The following NCKAP5L variants were observed in gnomAD, a reference collection of about 807,000 sequenced individuals.
The protein encoded by NCKAP5L is nck-associated protein 5-like.
NCKAP5L carries 54 observed loss-of-function variants against 103.2 expected under a neutral mutation model. The observed-to-expected ratio is 0.52, with a 90% CI of 0.42 to 0.66. NCKAP5L has a LOEUF of 0.66. NCKAP5L is among the 30% of genes least tolerant of loss of function. The pLI is 0.00. For missense variants in NCKAP5L, 1,733 were observed against 1,750.6 expected (o/e 0.99, Z 0.18); for synonymous variants, 762 against 748.6 (o/e 1.02, Z -0.29).
At position 49,792,689 on chromosome 12, in the gene NCKAP5L, G is replaced by A. The variant is rs368575890; in HGVS notation, c.3638C>T (p.Thr1213Ile). 9 of 1,612,496 alleles carry A rather than the reference G, an allele frequency of 5.6e-6. No individual in the cohort carries two copies. The highest frequency in any genetic ancestry group is 7.6e-6 in the Non-Finnish European group (9 of 1,179,506). ...PAAPGHRGHE[T>I]CPDDPCEDPG... ...ACCTGGACACTCACCATCAGGACAG[G>A]TCTCATGGCCCCGGTGGCCCGGAGC... The change falls in exon 11 of 13, where the codon ACC becomes ATC. Residue 1213 changes from threonine (T) to isoleucine (I), a missense_variant. Coordinates refer to ENST00000335999, the MANE Select transcript of NCKAP5L (RefSeq NM_001037806.4). The surrounding 1 kb of genome is among the most constrained non-coding windows in gnomAD (Gnocchi z 4.5).
At chr12:49,802,062 G>A in intron 5 of NCKAP5L, 95 bp from the exon 6 acceptor site, 1 of 1,488,322 alleles carries the variant, frequency 6.7e-7, no homozygotes, top group Non-Finnish European at 9.1e-7. Flanking sequence ...CTGTCTGGAG[G>A]CCCCAGGACC....
At chr12:49,800,343 C>T (rs969282855) in intron 6 of NCKAP5L, among the ~76,000 whole-genome samples, 9 of 152,252 alleles carry the variant, frequency 5.9e-5, no homozygotes, top group African/African-American at 2.2e-4. Flanking sequence ...CCTGAGCTCC[C>T]AACAGTCCCA....
chr12:49,803,762 CT>C (rs908508114), intron 3 of NCKAP5L, among the ~76,000 whole-genome samples, 159 bp downstream of exon 3: 35 of 152,340 alleles, frequency 2.3e-4, no homozygotes, highest in African/African-American at 7.7e-4. Flanking sequence ...CTCAGAGGAG[CT>C]TTGCAAAAGA....
intron 5 of NCKAP5L, chr12:49,802,351 C>T (rs1429200203): frequency 1.1e-5 from 2 of 175,274 alleles, no homozygotes; most frequent in Non-Finnish European, 2.4e-5. Flanking sequence ...TGGGTTCAAG[C>T]GATTCTCCTG....
chr12:49,807,994 C>A (rs1946199230), intron 1 of NCKAP5L, among the ~76,000 whole-genome samples: 1 of 152,240 alleles, frequency 6.6e-6, no homozygotes. Context: ...AAGAAAGCAA[C>A]AACGAAACAA....
chr12:49,814,933 T>C (rs1946281148), intron 1 of NCKAP5L, among the ~76,000 whole-genome samples: 1 of 152,384 alleles, frequency 6.6e-6, no homozygotes, highest in East Asian at 1.9e-4. Context: ...TTTTGGAGAA[T>C]GTCCTCCAAT....
At chr12:49,807,410 C>A (rs1327783707) in intron 1 of NCKAP5L, among the ~76,000 whole-genome samples, 1 of 152,212 alleles carries the variant, frequency 6.6e-6, no homozygotes, top group Non-Finnish European at 1.5e-5. Context: ...ACGTTCATAG[C>A]TCACTGCATC....
At position 49,796,459 on chromosome 12, in the gene NCKAP5L, C is replaced by T. The variant is rs767381778; in HGVS notation, c.1401G>A (p.Lys467=). 3.9e-6 allele frequency: 6 copies of T among 1,534,454 alleles called. No homozygotes were observed. In the South Asian group the frequency reaches 7.6e-5, roughly 20 times the overall value. ...KFLKLPPTSE[K]SPSPGGPQLS... ...GCTGCGGGCCTCCTGGGCTGGGGCTCTTCTCCGAGGTTGGAGGCAGCTTTA... is the reference window on the plus strand; with the variant it reads ...GCTGCGGGCCTCCTGGGCTGGGGCTTTTCTCCGAGGTTGGAGGCAGCTTTA... The change falls in exon 8 of 13, where the codon AAG becomes AAA. Residue 467 remains lysine, a synonymous_variant. Coordinates refer to ENST00000335999, the MANE Select transcript of NCKAP5L (RefSeq NM_001037806.4).
Position 49,796,080 on chromosome 12 carries a change from C to A in NCKAP5L, c.1780G>T (p.Ala594Ser). 7 of 1,599,146 alleles carry A rather than the reference C, an allele frequency of 4.4e-6. No homozygotes were observed. The highest frequency in any genetic ancestry group is 1.1e-5 in the South Asian group (1 of 88,864). ...CCAGGGCTTCTGAGGACCTCAGGGG[C>A]CTGTGGTACCTCCAGAGTTAGCTGT... ...YPQLTLEVPQAPEVLRSPGVP... is the reference protein window; with the variant it reads ...YPQLTLEVPQSPEVLRSPGVP... The change falls in exon 8 of 13, where the codon GCC becomes TCC. Residue 594 changes from alanine to serine, a missense_variant. Transcript: ENST00000335999.
chr12:49,792,945 T>C lies in NCKAP5L; in HGVS notation c.3382A>G (p.Thr1128Ala). 1 of 1,557,458 alleles carries C rather than the reference T, an allele frequency of 6.4e-7. No homozygotes were observed. Among genetic ancestry groups the C allele is most frequent in the Non-Finnish European group, 8.6e-7 (1 of 1,159,438 alleles). Residue 1128 changes from threonine to alanine, a missense_variant, in exon 11 of 13, where the codon ACC becomes GCC. Physicochemically the swap from Thr to Ala is moderately conservative, Grantham distance 58. Transcript: ENST00000335999. The surrounding 1 kb of genome is among the most constrained non-coding windows in gnomAD (Gnocchi z 4.5). ...LTRTLDSGIG[T>A]FPPPDHGSSG... is the part of the protein sequence containing the mutation. ...CTACCATGGTCTGGGGGTGGGAAGG[T>C]CCCAATGCCACTGTCCAAGGTTCGA...
intron 1 of NCKAP5L, among the ~76,000 whole-genome samples, chr12:49,824,544 C>A (rs1484952575): frequency 6.6e-6 from 1 of 152,244 alleles, no homozygotes; most frequent in Non-Finnish European, 1.5e-5. Context: ...GGCGTCTGCC[C>A]TCCAAGAGGG....
intron 1 of NCKAP5L, among the ~76,000 whole-genome samples, chr12:49,823,807 T>C (rs897727462): frequency 2.6e-5 from 4 of 152,286 alleles, no homozygotes; most frequent in Non-Finnish European, 5.9e-5. Flanking sequence ...AATAACAGCC[T>C]GGCCTCTTTC....
intron 1 of NCKAP5L, among the ~76,000 whole-genome samples, chr12:49,824,426 C>T (rs1317235365): frequency 6.6e-6 from 1 of 152,256 alleles, no homozygotes; most frequent in East Asian, 1.9e-4. Flanking sequence ...CCCAGCCCAT[C>T]TCTGAAGCCC....
rs1480963871 is a variant in NCKAP5L at position 49,793,851 on chromosome 12, C to G, written c.3141G>C (p.Lys1047Asn). ...CCGGCTGGAAATCCCCGTACTCAGG[C>G]TTGGGCTCCCGCCAGCTCTTGGATG... ...ELPSKSWREP[K>N]PEYGDFQPVS... The change falls in exon 9 of 13, where the codon AAG becomes AAC. Residue 1047 changes from lysine to asparagine, a missense_variant. Lys to Asn is a moderately conservative substitution (Grantham distance 94, BLOSUM62 0). Coordinates refer to ENST00000335999, the MANE Select transcript of NCKAP5L (RefSeq NM_001037806.4). 1.3e-6 allele frequency: 2 copies of G among 1,576,226 alleles called. No individual in the cohort carries two copies. Among genetic ancestry groups the G allele is most frequent in the Admixed American group, 3.7e-5 (2 of 54,012 alleles).
At position 49,791,918 on chromosome 12, in the gene NCKAP5L, C is replaced by G; in HGVS notation, c.3926G>C (p.Gly1309Ala). 1 of 1,611,524 alleles carries G rather than the reference C, an allele frequency of 6.2e-7. No homozygotes were observed. Among genetic ancestry groups the G allele is most frequent in the East Asian group, 2.2e-5 (1 of 44,822 alleles). The change falls in exon 13 of 13, where the codon GGC (glycine) becomes GCC (alanine). Residue 1309 changes from glycine to alanine, a missense_variant. Coordinates refer to ENST00000335999, the MANE Select transcript of NCKAP5L (RefSeq NM_001037806.4). ...CTCCGAGGTCTCCAGCCCTGGGGGG[C>G]CCCCGCTGGCCACTCTGCCTTCCTC... ...MAEEGRVASG[G>A]PPGLETSESL...
In NCKAP5L at chr12:49,794,877, G is replaced by T; in HGVS notation, c.2983C>A (p.Pro995Thr). ...EKAYLSSRAR[P>T]RPGGPAPGPN... is the part of the protein sequence containing the mutation. ...CCTGGGGCTGGGCCACCAGGCCGTG[G>T]CCGGGCCCGGCTGCTTAGGTAGGCC... The change falls in exon 8 of 13, where the codon CCA (proline) becomes ACA (threonine). Residue 995 changes from proline (P) to threonine (T), a missense_variant. Transcript: ENST00000335999. The T allele has an allele frequency of 6.7e-7, 1 of 1,501,468 alleles. No individual in the cohort carries two copies. Among genetic ancestry groups the T allele is most frequent in the Non-Finnish European group, 8.9e-7 (1 of 1,125,584 alleles). The allele number at this position is 1,501,468 out of a possible 1,614,324, so 93.0% of individuals were successfully genotyped here.
rs755883216 is a variant in NCKAP5L, at chr12:49,792,373, G to A, written c.3792+73C>T. The A allele has an allele frequency of 8.8e-6, 14 of 1,582,536 alleles. No individual in the cohort carries two copies. The highest frequency in any genetic ancestry group is 1.2e-5 in the Non-Finnish European group (14 of 1,164,616). On this transcript the variant is annotated intron_variant, in intron 12 of 12. Transcript: ENST00000335999. The surrounding 1 kb of genome is among the most constrained non-coding windows in gnomAD (Gnocchi z 4.5). ...TGCGACACACAGGCCGTACCTTACT[G>A]GAGAAACTGGTCTCCCCACATCACT...
At chr12:49,794,718 G>T (rs1242304381) in intron 8 of NCKAP5L, 47 bp downstream of exon 8, 4 of 1,390,114 alleles carry the variant, frequency 2.9e-6, no homozygotes, top group Non-Finnish European at 3.8e-6. Flanking sequence ...GAAGGGAAAA[G>T]TGCCCCAAGC....
intron 1 of NCKAP5L, among the ~76,000 whole-genome samples, chr12:49,821,567 C>G (rs139709827): frequency 0.011 from 1,660 of 152,370 alleles, 11 homozygotes; most frequent in South Asian, 0.027. Context: ...AGCATGTGTG[C>G]CATGTCATGT....
Sources: allele counts gnomAD v4.1 joint callset (sites outside exome capture counted in the v4.1 genomes callset), GRCh38; gene constraint gnomAD v4.1.1; non-coding constraint Gnocchi (gnomAD v3.1); transcripts MANE v1.5; gene names NCBI Gene and HGNC (gene_info 2026-07-23, HGNC 2026-07-21).